Variants in FCHSD2 observed in about 807,000 individuals in gnomAD.
FCHSD2 encodes the protein FCH and double SH3 domains 2.
Under a neutral mutation model 108.1 loss-of-function variants are expected in FCHSD2, and 38 were observed. The observed-to-expected ratio is 0.35, with a 90% CI of 0.27 to 0.46. The LOEUF (loss-of-function observed/expected upper bound fraction) is 0.46, where lower values mean the gene tolerates loss of function less well. Among genes scored for constraint, FCHSD2 ranks in the 20% least tolerant of loss-of-function variants. The pLI is 1.00. For missense variants in FCHSD2, 751 were observed against 897.8 expected (o/e 0.84, Z 2.09); for synonymous variants, 279 against 314.7 (o/e 0.89, Z 1.20).
chr11:73,016,908 T>G (rs1857986632), intron 3 of FCHSD2, among the ~76,000 whole-genome samples: 1 of 152,148 alleles, frequency 6.6e-6, no homozygotes, highest in South Asian at 2.1e-4. Context: ...AGAAGACCAT[T>G]TTGTTAAGAA....
intron 10 of FCHSD2, among the ~76,000 whole-genome samples, chr11:72,897,269 G>A (rs534414596): frequency 6.8e-6 from 1 of 147,722 alleles, no homozygotes; most frequent in South Asian, 2.1e-4. Flanking sequence ...TGTGGGTTCT[G>A]TATCTGTGGA....
intron 13 of FCHSD2, among the ~76,000 whole-genome samples, chr11:72,855,579 A>G (rs985833013): frequency 2.6e-5 from 4 of 152,234 alleles, no homozygotes; most frequent in African/African-American, 7.2e-5. Flanking sequence ...GTAAATTTGT[A>G]TATTTTACCA....
At chr11:72,984,494 A>G (rs946288174) in intron 7 of FCHSD2, among the ~76,000 whole-genome samples, 9 of 152,352 alleles carry the variant, frequency 5.9e-5, no homozygotes, top group Admixed American at 2.0e-4. Flanking sequence ...ATTTATTCAA[A>G]TGACTAAATA....
chr11:73,036,824 T>G (rs969676196), intron 3 of FCHSD2, among the ~76,000 whole-genome samples: 37 of 152,346 alleles, frequency 2.4e-4, no homozygotes, highest in African/African-American at 8.7e-4. Flanking sequence ...AACTTTTTAT[T>G]GATAAAATTT....
chr11:72,909,228 G>C (rs1455363585), intron 9 of FCHSD2, among the ~76,000 whole-genome samples: 1 of 152,016 alleles, frequency 6.6e-6, no homozygotes, highest in African/African-American at 2.4e-5. Context: ...GTGGAGACGG[G>C]GTTTCGCCCT....
At chr11:72,929,777 C>T (rs1856151612) in intron 8 of FCHSD2, among the ~76,000 whole-genome samples, 1 of 152,158 alleles carries the variant, frequency 6.6e-6, no homozygotes, top group African/African-American at 2.4e-5. Flanking sequence ...TTTACAAACT[C>T]CCCATCACAG....
At chr11:72,921,334 C>G (rs1206716131) in intron 9 of FCHSD2, among the ~76,000 whole-genome samples, 1 of 152,144 alleles carries the variant, frequency 6.6e-6, no homozygotes. Context: ...CCTGATGGAT[C>G]TCAACACTTT....
intron 2 of FCHSD2, among the ~76,000 whole-genome samples, chr11:73,090,700 T>A (rs1859936077): frequency 6.6e-6 from 1 of 152,218 alleles, no homozygotes; most frequent in Non-Finnish European, 1.5e-5. Flanking sequence ...AAAGACCTTT[T>A]ACTACATTCC....
intron 8 of FCHSD2, among the ~76,000 whole-genome samples, chr11:72,972,498 G>A (rs1857026325): frequency 6.6e-6 from 1 of 152,094 alleles, no homozygotes; most frequent in South Asian, 2.1e-4. Context: ...CACACAAAGA[G>A]GAAACAGGCT....
At chr11:72,849,925 A>C in intron 13 of FCHSD2, 36 bp from the exon 14 acceptor site, 1 of 1,573,870 alleles carries the variant, frequency 6.4e-7, no homozygotes, top group Non-Finnish European at 8.6e-7. Flanking sequence ...TAGTTTCCTT[A>C]CTTCAAGAAA....
At chr11:73,014,380 C>T (rs892501667) in intron 4 of FCHSD2, among the ~76,000 whole-genome samples, 1 of 151,944 alleles carries the variant, frequency 6.6e-6, no homozygotes, top group Non-Finnish European at 1.5e-5. Flanking sequence ...CCTTCCACCT[C>T]GGCCTCCCAA....
At chr11:73,024,365 G>A (rs187642145) in intron 3 of FCHSD2, among the ~76,000 whole-genome samples, 10 of 152,134 alleles carry the variant, frequency 6.6e-5, no homozygotes, top group African/African-American at 1.2e-4. Context: ...GAAACTGTAC[G>A]ACTAAAGACA....
At chr11:73,139,577 A>C (rs1861199694) in intron 2 of FCHSD2, among the ~76,000 whole-genome samples, 1 of 152,214 alleles carries the variant, frequency 6.6e-6, no homozygotes, top group Admixed American at 6.5e-5. Context: ...TAAATTTGGC[A>C]CTCAAAAACA....
chr11:73,106,653 C>A (rs1167416959), intron 2 of FCHSD2, among the ~76,000 whole-genome samples: 1 of 151,998 alleles, frequency 6.6e-6, no homozygotes, highest in Non-Finnish European at 1.5e-5. Context: ...AAAAAATGGA[C>A]CACATATACA....
intron 2 of FCHSD2, among the ~76,000 whole-genome samples, chr11:73,121,554 T>G (rs548277054): frequency 6.6e-6 from 1 of 152,232 alleles, no homozygotes; most frequent in South Asian, 2.1e-4. Flanking sequence ...GTTGCTAAGA[T>G]TTAAATGAAA....
intron 3 of FCHSD2, among the ~76,000 whole-genome samples, chr11:73,070,587 C>T (rs1273595073): frequency 6.6e-6 from 1 of 152,030 alleles, no homozygotes; most frequent in Non-Finnish European, 1.5e-5. Context: ...CCATGTCTGG[C>T]TAATTTTTTT....
At chr11:72,940,189 T>G (rs145399490) in intron 8 of FCHSD2, among the ~76,000 whole-genome samples, 1 of 152,324 alleles carries the variant, frequency 6.6e-6, no homozygotes, top group East Asian at 1.9e-4. Context: ...CCTTTTAAAC[T>G]CATCACTACT....
At chr11:73,069,289 T>G (rs758718779) in intron 3 of FCHSD2, among the ~76,000 whole-genome samples, 114 of 119,768 alleles carry the variant, frequency 9.5e-4, no homozygotes, top group Non-Finnish European at 1.6e-3. Context: ...CCAGCCTGGG[T>G]GACAGAGCAA....
At chr11:72,881,627 G>A (rs551488452) in intron 12 of FCHSD2, among the ~76,000 whole-genome samples, 11 of 152,264 alleles carry the variant, frequency 7.2e-5, no homozygotes, top group African/African-American at 2.6e-4. Context: ...CCAAGATGTG[G>A]AATCAACCTA....
Sources: gnomAD v4.1 joint callset for allele counts (sites outside exome capture counted in the v4.1 genomes callset) on GRCh38, gnomAD v4.1.1 for gene constraint, MANE v1.5 for transcripts, NCBI Gene and HGNC (gene_info 2026-07-23, HGNC 2026-07-21) for gene names.